Variants in ADCY7 observed in about 807,000 individuals in gnomAD.
ADCY7 encodes adenylate cyclase type 7.
ADCY7 carries 72 observed loss-of-function variants against 120.6 expected under a neutral mutation model. The ratio of observed to expected loss-of-function variants is 0.60; its 90% confidence interval spans 0.49 to 0.73. The LOEUF (loss-of-function observed/expected upper bound fraction) is 0.73, where lower values mean the gene tolerates loss of function less well. Among genes scored for constraint, ADCY7 ranks in the 30% least tolerant of loss-of-function variants. The pLI, the probability that ADCY7 is intolerant of heterozygous loss-of-function variation, is 0.00. For synonymous variants in ADCY7, 661 were observed against 628.0 expected (o/e 1.05, Z -0.78); for missense variants, 1,227 against 1,486.0 (o/e 0.83, Z 2.87).
In ADCY7 at chr16:50,308,748, G is replaced by A. The variant is rs557056202; in HGVS notation, c.2017G>A (p.Val673Ile). 23 of 1,613,054 alleles carry A rather than the reference G, an allele frequency of 1.4e-5. No individual in the cohort carries two copies. Among genetic ancestry groups the A allele is most frequent in the Admixed American group, 1.2e-4 (7 of 60,008 alleles). ...GCCCCTGCTGAGGCTGACCCTGGCC[G>A]TCCTGACCATCGGCAGCCTGCTCAC... ...TQPLLRLTLA[V>I]LTIGSLLTVA... is the part of the protein sequence containing the mutation. The change falls in exon 17 of 26, where the codon GTC (valine) becomes ATC (isoleucine). Residue 673 changes from valine to isoleucine, a missense_variant. Val to Ile is a conservative substitution (Grantham distance 29, BLOSUM62 3). Around this residue, in one of 5 missense-constraint regions of ADCY7, gnomAD observed 267 missense variants for 270.0 expected, o/e 0.99. Transcript: ENST00000673801.
At chr16:50,261,314 G>A (rs1220018310) in intron 1 of ADCY7, among the ~76,000 whole-genome samples, 1 of 152,214 alleles carries the variant, frequency 6.6e-6, no homozygotes, top group African/African-American at 2.4e-5. Flanking sequence ...TACCTGGCGG[G>A]ATGGGTAGCA....
intron 6 of ADCY7, 93 bp downstream of exon 6, chr16:50,293,595 C>T (rs550534151): frequency 6.9e-7 from 1 of 1,454,860 alleles, no homozygotes; most frequent in Admixed American, 2.0e-5. Flanking sequence ...TCTGGAGGCT[C>T]AGACCCCTGC....
At chr16:50,314,139 G>A (rs972336530) in intron 23 of ADCY7, 77 bp downstream of exon 23, 2 of 1,473,698 alleles carry the variant, frequency 1.4e-6, no homozygotes, top group Non-Finnish European at 1.9e-6. Flanking sequence ...TAAAGGGTGT[G>A]CCCTTATCTC....
At chr16:50,250,471 A>C (rs1019462104) in intron 1 of ADCY7, among the ~76,000 whole-genome samples, 1 of 151,746 alleles carries the variant, frequency 6.6e-6, no homozygotes, top group African/African-American at 2.4e-5. Context: ...AAAAAAAAAA[A>C]AAAAAAAACC....
intron 1 of ADCY7, among the ~76,000 whole-genome samples, chr16:50,267,712 TG>T (rs1164726147): frequency 1.5e-4 from 23 of 151,928 alleles, no homozygotes; most frequent in Non-Finnish European, 1.9e-4. Flanking sequence ...GTATTTGTCT[TG>T]GGGAAAAAAA....
At chr16:50,275,451 A>G (rs992685375) in intron 1 of ADCY7, among the ~76,000 whole-genome samples, 4 of 152,220 alleles carry the variant, frequency 2.6e-5, no homozygotes, top group Non-Finnish European at 4.4e-5. Context: ...CAGAGACTCC[A>G]AAGTCAGCAT....
chr16:50,303,457 T>C (rs184942646), intron 10 of ADCY7, among the ~76,000 whole-genome samples: 32 of 152,262 alleles, frequency 2.1e-4, no homozygotes, highest in Admixed American at 6.5e-5. Context: ...GGCAGAGGAA[T>C]GTTTCAGGGG....
At chr16:50,299,155 A>G (rs1687935724) in intron 8 of ADCY7, 124 bp downstream of exon 8, 3 of 1,320,784 alleles carry the variant, frequency 2.3e-6, no homozygotes, top group Admixed American at 2.9e-5. Flanking sequence ...TTGGGGGTGA[A>G]AGCAGCTTGC....
chr16:50,309,276 T>C, intron 17 of ADCY7: 1 of 462,326 alleles, frequency 2.2e-6, no homozygotes, highest in Non-Finnish European at 3.9e-6. Flanking sequence ...CAGGGTCACC[T>C]GGGGAGGCTG....
intron 1 of ADCY7, among the ~76,000 whole-genome samples, chr16:50,251,967 A>G (rs2032771384): frequency 6.6e-6 from 1 of 152,194 alleles, no homozygotes. Context: ...GCGAGGAGGA[A>G]GAGGAGCTGA....
Position 50,308,768 on chromosome 16 carries a change from G to A in ADCY7, c.2037G>A (p.Leu679=), listed in dbSNP as rs773256863. Residue 679 remains leucine, a synonymous_variant, in exon 17 of 26, where the codon CTG becomes CTA. Transcript: ENST00000673801. ...TGGCCGTCCTGACCATCGGCAGCCT[G>A]CTCACTGTGGCCATCATCAACCTGG... ...LTLAVLTIGS[L]LTVAIINLPL... is the part of the protein sequence containing the mutation. The A allele has an allele frequency of 1.2e-6, 2 of 1,611,462 alleles. No homozygotes were observed. Among genetic ancestry groups the A allele is most frequent in the East Asian group, 2.2e-5 (1 of 44,878 alleles).
chr16:50,291,686 G>A (rs368234332), intron 3 of ADCY7, 50 bp from the exon 4 acceptor site: 18 of 1,610,498 alleles, frequency 1.1e-5, no homozygotes, highest in Non-Finnish European at 1.4e-5. Context: ...GGGGCTGTAC[G>A]GCCTGGGGCA....
chr16:50,279,434 T>G (rs1194856794), intron 1 of ADCY7: 1 of 152,184 alleles, frequency 6.6e-6, no homozygotes, highest in Admixed American at 6.5e-5. Context: ...GTGAGGGCAG[T>G]GCTTAAAGAA....
chr16:50,288,348 G>C lies in ADCY7; in HGVS notation c.169G>C (p.Gly57Arg), dbSNP rs756799073. Residue 57 changes from glycine to arginine, a missense_variant and splice_region_variant, in exon 2 of 26, where the codon GGG becomes CGG. Gly to Arg is a moderately radical substitution (Grantham distance 125). Around this residue, in one of 5 missense-constraint regions of ADCY7, gnomAD observed 382 missense variants for 411.4 expected, o/e 0.93. Coordinates refer to ENST00000673801, the MANE Select transcript of ADCY7 (RefSeq NM_001114.5). ...VALIIIAFSQ[G>R]DPSRHQAILG... ...CCTCATCATCATTGCCTTCAGCCAG[G>C]GGGTGAGTGAGGGCAGCCCCTGGGC... is the stretch of plus-strand genomic sequence containing the variant. 8 of 1,543,870 alleles carry C rather than the reference G, an allele frequency of 5.2e-6. No individual in the cohort carries two copies. Among genetic ancestry groups the C allele is most frequent in the Admixed American group, 2.0e-5 (1 of 50,566 alleles).
At chr16:50,290,370 T>G in intron 2 of ADCY7, 87 bp from the exon 3 acceptor site, 7 of 1,452,614 alleles carry the variant, frequency 4.8e-6, no homozygotes, top group Non-Finnish European at 6.6e-6. Flanking sequence ...AAGCTGTAAG[T>G]GAGGCAGCCG....
chr16:50,294,509 C>A, intron 6 of ADCY7, 131 bp from the exon 7 acceptor site: 1 of 614,870 alleles, frequency 1.6e-6, no homozygotes. Flanking sequence ...CCTATGGAGG[C>A]TGAGGAAGGA....
At chr16:50,305,378 C>A (rs12444679) in intron 12 of ADCY7, 125 bp from the exon 13 acceptor site, 1 of 844,860 alleles carries the variant, frequency 1.2e-6, no homozygotes, top group Admixed American at 2.0e-5. Flanking sequence ...CTCAGTGGGA[C>A]CCACCCATTC....
upstream of ADCY7, chr16:50,246,047 C>G (rs1274985966): frequency 6.6e-6 from 1 of 150,430 alleles, no homozygotes; most frequent in Admixed American, 6.6e-5. Context: ...CCCAGCCCCC[C>G]GCCCCGGCTC....
rs1315578696 is a variant in ADCY7 at position 50,317,448 on chromosome 16, A to G, written c.*1943A>G. 2 of 151,260 alleles carry G rather than the reference A, an allele frequency of 1.3e-5. No homozygotes were observed. The highest frequency in any genetic ancestry group is 5.0e-5 in the African/African-American group (2 of 40,388). The allele number at this position is 151,260 out of a possible 1,614,324, so 9.4% of individuals were successfully genotyped here. A position where few individuals can be genotyped will look rare whatever the true frequency, so the allele number is the denominator to read the frequency against. On this transcript the variant is annotated 3_prime_UTR_variant, in exon 26 of 26. Transcript: ENST00000673801. ...TGTTGCTAATATAACATAGAAACACATTAGTGCACTGGGCCTCTCTGAGGT... is the reference window on the plus strand; with the variant it reads ...TGTTGCTAATATAACATAGAAACACGTTAGTGCACTGGGCCTCTCTGAGGT...
Sources: gnomAD v4.1 joint callset for allele counts (sites outside exome capture counted in the v4.1 genomes callset) on GRCh38, gnomAD v4.1.1 for gene constraint, gnomAD v4.1.1 regional missense constraint, MANE v1.5 for transcripts, NCBI Gene and HGNC (gene_info 2026-07-23, HGNC 2026-07-21) for gene names.